The following PIK3C3 variants were observed in gnomAD, a reference collection of about 807,000 sequenced individuals.
PIK3C3 encodes the protein PI3-kinase type 3.
A neutral mutation model predicts 126.1 loss-of-function variants in PIK3C3; 95 were observed. The ratio of observed to expected loss-of-function variants is 0.75; its 90% CI spans 0.64 to 0.89. The LOEUF (loss-of-function observed/expected upper bound fraction) is 0.89. Among genes scored for constraint, PIK3C3 ranks in the 40% least tolerant of loss-of-function variants. The pLI is 0.00. For synonymous variants in PIK3C3, 374 were observed against 360.0 expected, an observed-to-expected ratio of 1.04 and a Z score of -0.44; for missense variants, 829 against 1,063.2, an observed-to-expected ratio of 0.78 and a Z score of 3.06.
At chr18:42,037,948 C>A in intron 17 of PIK3C3, 128 bp downstream of exon 17, 1 of 805,002 alleles carries the variant, frequency 1.2e-6, no homozygotes, top group Non-Finnish European at 1.9e-6. Context: ...GCTCAACAGT[C>A]TCCACTTGAC....
chr18:42,079,063 C>A (rs1986141156), intron 24 of PIK3C3, among the ~76,000 whole-genome samples: 1 of 152,162 alleles, frequency 6.6e-6, no homozygotes, highest in South Asian at 2.1e-4. Flanking sequence ...AAGAACATTT[C>A]TTTGCATTTA....
At chr18:41,993,162 A>AGAAT in intron 6 of PIK3C3, 108 bp from the exon 7 acceptor site, 1 of 582,956 alleles carries the variant, frequency 1.7e-6, no homozygotes, top group South Asian at 2.5e-5. Context: ...TTTAAAGGGA[A>AGAAT]GAATGATGTT....
Position 42,082,087 on chromosome 18 carries a change from C to G in PIK3C3, c.*950C>G, listed in dbSNP as rs998720188. The G allele has an allele frequency of 3.3e-5, 5 of 152,112 alleles. No homozygotes were observed. The highest frequency in any genetic ancestry group is 1.2e-4 in the African/African-American group (5 of 41,432). The allele number at this position is 152,112 out of a possible 1,614,324, so 9.4% of individuals were successfully genotyped here. A position where few individuals can be genotyped will look rare whatever the true frequency, so the allele number is the denominator to read the frequency against. ...TCTTTTAAGACTAGAACTAATCCCT[C>G]TAGCTTTTTTACTGGAACTTTGGGG... On this transcript the variant is annotated 3_prime_UTR_variant, in exon 25 of 25. Transcript: ENST00000262039.
chr18:42,078,014 G>A (rs1312773484), intron 24 of PIK3C3, among the ~76,000 whole-genome samples: 2 of 152,134 alleles, frequency 1.3e-5, no homozygotes, highest in Non-Finnish European at 2.9e-5. Flanking sequence ...GGATGACTGG[G>A]TACATTGTCA....
chr18:42,049,680 A>G (rs1984710196), intron 21 of PIK3C3, 75 bp downstream of exon 21: 4 of 1,223,928 alleles, frequency 3.3e-6, no homozygotes, highest in Middle Eastern at 3.8e-4. Flanking sequence ...ATGTACTAAC[A>G]AGATAAGTTG....
rs750525634 is a variant in PIK3C3, at chr18:41,983,127, CTG to C, written c.532-4683_532-4682del. Among the ~76,000 whole-genome samples, 3 of 152,148 alleles carry C rather than the reference CTG, an allele frequency of 2.0e-5. No homozygotes were observed. The East Asian group carries it at 5.8e-4, about 29-fold the overall frequency. On this transcript the variant is annotated intron_variant, in intron 4 of 24. Coordinates refer to ENST00000262039, the MANE Select transcript of PIK3C3 (RefSeq NM_002647.4). ...GTCATAAGGTATTACTTTCATATCA[CTG>C]TTTCAATTTGTAGTTACACTTTTAA...
At chr18:41,969,118 CTGT>C (rs1980521613) in intron 3 of PIK3C3, among the ~76,000 whole-genome samples, 1 of 150,686 alleles carries the variant, frequency 6.6e-6, no homozygotes, top group Non-Finnish European at 1.5e-5. Flanking sequence ...CATGCCCAGT[CTGT>C]ACCTTGTTTT....
At chr18:42,042,057 T>G (rs1984346423) in intron 19 of PIK3C3, among the ~76,000 whole-genome samples, 1 of 152,212 alleles carries the variant, frequency 6.6e-6, no homozygotes, top group Admixed American at 6.5e-5. Flanking sequence ...GTGCCTAGAT[T>G]GTTTGTTCAA....
At chr18:42,066,041 C>T (rs1200554895) in intron 23 of PIK3C3, among the ~76,000 whole-genome samples, 1 of 152,008 alleles carries the variant, frequency 6.6e-6, no homozygotes, top group Non-Finnish European at 1.5e-5. Context: ...AAAAATAGTT[C>T]CAAAATTGTC....
At chr18:41,982,161 G>C (rs537397425) in intron 4 of PIK3C3, among the ~76,000 whole-genome samples, 1 of 152,228 alleles carries the variant, frequency 6.6e-6, no homozygotes, top group South Asian at 2.1e-4. Context: ...GACTCAGAGA[G>C]GCATTAGAGT....
chr18:42,056,469 G>A (rs1452778111), intron 21 of PIK3C3, among the ~76,000 whole-genome samples: 1 of 152,128 alleles, frequency 6.6e-6, no homozygotes, highest in Non-Finnish European at 1.5e-5. Context: ...AACCATGCAT[G>A]ATGGCAGTTT....
intron 13 of PIK3C3, chr18:42,026,119 A>G (rs1301067283): frequency 6.6e-6 from 1 of 152,206 alleles, no homozygotes; most frequent in East Asian, 1.9e-4. Context: ...GTGAAAGTCA[A>G]CTTAGTAAAA....
At chr18:42,025,681 C>G (rs1983534699) in intron 13 of PIK3C3, 1 of 152,144 alleles carries the variant, frequency 6.6e-6, no homozygotes, top group Non-Finnish European at 1.5e-5. Context: ...AAATGACAAA[C>G]AGTGTCTTGA....
chr18:41,956,509 G>C, intron 1 of PIK3C3, among the ~76,000 whole-genome samples: 1 of 142,876 alleles, frequency 7.0e-6, no homozygotes, highest in Non-Finnish European at 1.5e-5. Context: ...TGAAATGTTT[G>C]AACATTAAAA....
At chr18:42,031,455 C>A (rs1983823390) in intron 15 of PIK3C3, among the ~76,000 whole-genome samples, 1 of 152,098 alleles carries the variant, frequency 6.6e-6, no homozygotes, top group African/African-American at 2.4e-5. Flanking sequence ...CTTGCTCCGT[C>A]GTCCAGGCTG....
Position 42,086,590 on chromosome 18 carries a change from C to G in PIK3C3, c.*5453C>G, listed in dbSNP as rs531779126. Reference sequence around the variant, plus strand: ...AAAACCAAGACGGGAATGAAAGTGACCTCCGGTCATCCTCACTGCTCATTA... The same window carrying G: ...AAAACCAAGACGGGAATGAAAGTGAGCTCCGGTCATCCTCACTGCTCATTA... On this transcript the variant is annotated 3_prime_UTR_variant, in exon 25 of 25. Transcript: ENST00000262039. 7 of 152,336 alleles carry G rather than the reference C, an allele frequency of 4.6e-5. No individual in the cohort carries two copies. Among genetic ancestry groups the G allele is most frequent in the Admixed American group, 3.9e-4 (6 of 15,292 alleles). 9.4% of individuals were successfully genotyped at this position (152,336 alleles called of 1,614,324 possible).
At position 41,990,440 on chromosome 18, in the gene PIK3C3, A is replaced by T; in HGVS notation, c.619-19A>T. 7.2e-7 allele frequency: 1 copy of T among 1,384,800 alleles called. No homozygotes were observed. The highest frequency in any genetic ancestry group is 1.0e-6 in the Non-Finnish European group (1 of 973,330). 85.8% of individuals were successfully genotyped at this position (1,384,800 alleles called of 1,614,324 possible). Reference sequence around the variant, plus strand: ...TGTTGAAAATAATCATTTTTCATGAAAATCATTTTTTTTTTCAGAGTGAAA... The same window carrying T: ...TGTTGAAAATAATCATTTTTCATGATAATCATTTTTTTTTTCAGAGTGAAA... On this transcript the variant is annotated intron_variant, in intron 5 of 24. Transcript: ENST00000262039.
intron 4 of PIK3C3, among the ~76,000 whole-genome samples, chr18:41,987,594 A>G (rs1268716167): frequency 6.6e-6 from 1 of 152,102 alleles, no homozygotes; most frequent in Non-Finnish European, 1.5e-5. Context: ...ATGTCAAAAT[A>G]TGGCAAATTA....
At chr18:41,973,097 A>G (rs1056513045) in intron 4 of PIK3C3, among the ~76,000 whole-genome samples, 1 of 152,090 alleles carries the variant, frequency 6.6e-6, no homozygotes, top group African/African-American at 2.4e-5. Flanking sequence ...AAAAGTACTG[A>G]TATAGGAAAT....
Sources: allele counts gnomAD v4.1 joint callset (sites outside exome capture counted in the v4.1 genomes callset), GRCh38; gene constraint gnomAD v4.1.1; transcripts MANE v1.5; gene names NCBI Gene and HGNC (gene_info 2026-07-23, HGNC 2026-07-21).